U2AF2: variants seen among roughly 807,000 people sequenced by gnomAD.
U2AF2 encodes splicing factor U2AF 65 kDa subunit.
In U2AF2, 6 loss-of-function variants were observed where a neutral mutation model predicts 52.6. The observed-to-expected ratio is 0.11, with a 90% CI of 0.06 to 0.23. The LOEUF is 0.23. Among genes scored for constraint, U2AF2 ranks in the 10% least tolerant of loss-of-function variants. The pLI is 1.00. For missense variants in U2AF2, 222 were observed against 677.1 expected, an observed-to-expected ratio of 0.33 and a Z score of 7.46; for synonymous variants, 284 against 258.2, an observed-to-expected ratio of 1.10 and a Z score of -0.96.
intron 1 of U2AF2, among the ~76,000 whole-genome samples, chr19:55,655,367 C>T (rs1983714380): frequency 1.3e-5 from 2 of 152,272 alleles, no homozygotes; most frequent in Non-Finnish European, 2.9e-5. Flanking sequence ...GGGCCCGTGA[C>T]GCATGCGCAC....
intron 7 of U2AF2, among the ~76,000 whole-genome samples, chr19:55,664,922 T>C (rs1224113710): frequency 1.3e-5 from 2 of 152,182 alleles, no homozygotes; most frequent in Non-Finnish European, 2.9e-5. Flanking sequence ...TTCACCATGT[T>C]GGTCAGGTTG....
At chr19:55,661,643 T>C (rs1269754280) in intron 5 of U2AF2, 1 of 160,568 alleles carries the variant, frequency 6.2e-6, no homozygotes, top group East Asian at 1.8e-4. Flanking sequence ...GCTGTTCTTT[T>C]ATTTTTGATC....
In U2AF2 at chr19:55,659,217, C is replaced by G; in HGVS notation, c.57C>G (p.Asp19Glu). ...CCTCTCACCCTTGCCCAGAGCGGGA[C>G]AAGGAGAACCGGCATCGGAAGCGCA... is the stretch of plus-strand genomic sequence containing the variant. ...RQLNENKQERDKENRHRKRSH... is the reference protein window; with the variant it reads ...RQLNENKQEREKENRHRKRSH... The change falls in exon 2 of 12, where the codon GAC becomes GAG. Residue 19 changes from aspartate (D) to glutamate (E), a missense_variant. Coordinates refer to ENST00000308924, the MANE Select transcript of U2AF2 (RefSeq NM_007279.3). 1 of 1,590,722 alleles carries G rather than the reference C, an allele frequency of 6.3e-7. No individual in the cohort carries two copies. The highest frequency in any genetic ancestry group is 8.6e-7 in the Non-Finnish European group (1 of 1,166,724).
At chr19:55,669,784 C>T in intron 11 of U2AF2, 92 bp downstream of exon 11, 11 of 1,456,832 alleles carry the variant, frequency 7.6e-6, no homozygotes, top group Non-Finnish European at 1.0e-5. Flanking sequence ...TCACCCTCTC[C>T]CCCTCCTCTT....
intron 7 of U2AF2, among the ~76,000 whole-genome samples, chr19:55,664,404 C>CTT (rs1984413003): frequency 6.6e-6 from 1 of 152,212 alleles, no homozygotes; most frequent in African/African-American, 2.4e-5. Context: ...AATGGTCTCC[C>CTT]TTTAGAAAGC....
intron 1 of U2AF2, among the ~76,000 whole-genome samples, chr19:55,656,504 C>T (rs905874133): frequency 3.9e-5 from 6 of 152,006 alleles, no homozygotes; most frequent in Non-Finnish European, 7.4e-5. Flanking sequence ...TATTTTTTTC[C>T]ATTTGTAGAC....
intron 7 of U2AF2, among the ~76,000 whole-genome samples, chr19:55,666,317 G>C (rs1229809759): frequency 2.0e-5 from 3 of 152,238 alleles, no homozygotes; most frequent in Non-Finnish European, 2.9e-5. Flanking sequence ...GTGATGCTTT[G>C]TAGATGCAGC....
intron 6 of U2AF2, among the ~76,000 whole-genome samples, chr19:55,663,195 TCTCA>T (rs1984329399): frequency 2.0e-5 from 3 of 152,176 alleles, no homozygotes; most frequent in African/African-American, 7.2e-5. Context: ...ACTCTGTCCC[TCTCA>T]CTCTGTCTTT....
chr19:55,660,364 C>G, intron 3 of U2AF2, 143 bp downstream of exon 3: 1 of 1,119,082 alleles, frequency 8.9e-7, no homozygotes, highest in Non-Finnish European at 1.3e-6. Flanking sequence ...ACCCCTTTCC[C>G]AGGCCCTGCC....
chr19:55,663,888 C>G, intron 7 of U2AF2, 144 bp downstream of exon 7: 3 of 1,239,492 alleles, frequency 2.4e-6, no homozygotes, highest in Non-Finnish European at 3.3e-6. Context: ...TCCCCTAAGT[C>G]TCTGTGAGTG....
chr19:55,659,197 C>T lies in U2AF2; in HGVS notation c.50-13C>T. 6.5e-7 allele frequency: 1 copy of T among 1,543,314 alleles called. No homozygotes were observed. Among genetic ancestry groups the T allele is most frequent in the South Asian group, 1.2e-5 (1 of 83,748 alleles). ...TCCGCTTATCCCGTGCCCCTCCTCT[C>T]ACCCTTGCCCAGAGCGGGACAAGGA... On this transcript the variant is annotated splice_polypyrimidine_tract_variant and intron_variant, in intron 1 of 11. Transcript: ENST00000308924.
intron 1 of U2AF2, among the ~76,000 whole-genome samples, chr19:55,656,812 A>G (rs994215951): frequency 5.3e-5 from 8 of 152,224 alleles, no homozygotes; most frequent in Admixed American, 2.6e-4. Context: ...CTTTGCGTAC[A>G]CTGGGTGTGC....
At chr19:55,656,336 A>G (rs1232846021) in intron 1 of U2AF2, among the ~76,000 whole-genome samples, 1 of 152,206 alleles carries the variant, frequency 6.6e-6, no homozygotes, top group African/African-American at 2.4e-5. Context: ...TAGGGGCTGT[A>G]TTAGGAAACA....
intron 7 of U2AF2, chr19:55,663,951 C>T: frequency 3.0e-6 from 2 of 667,420 alleles, no homozygotes; most frequent in Non-Finnish European, 4.9e-6. Flanking sequence ...AATGAGCTGT[C>T]ACCTGCTGAG....
At chr19:55,659,743 C>T (rs1218034492) in intron 2 of U2AF2, among the ~76,000 whole-genome samples, 2 of 152,028 alleles carry the variant, frequency 1.3e-5, no homozygotes, top group African/African-American at 2.4e-5. Context: ...CCTCCAGTTT[C>T]TTTCTTCCCT....
At position 55,660,238 on chromosome 19, in the gene U2AF2, GCCCCTTCCTC is replaced by G. The variant is rs1984086200; in HGVS notation, c.230+20_230+29del. On this transcript the variant is annotated intron_variant, in intron 3 of 11. Coordinates refer to ENST00000308924, the MANE Select transcript of U2AF2 (RefSeq NM_007279.3). Reference sequence around the variant, plus strand: ...TGGACTGATGTGAGCTTCTCTTCCTGCCCCTTCCTCCCTGATGTCCACTCCCTTCACCTTC... The same window carrying G: ...TGGACTGATGTGAGCTTCTCTTCCTGCCTGATGTCCACTCCCTTCACCTTC... 6.2e-7 allele frequency: 1 copy of G among 1,608,350 alleles called. No individual in the cohort carries two copies. The highest frequency in any genetic ancestry group is 2.2e-5 in the East Asian group (1 of 44,616).
chr19:55,660,454 C>T, intron 3 of U2AF2, 62 bp from the exon 4 acceptor site: 1 of 1,175,072 alleles, frequency 8.5e-7, no homozygotes, highest in South Asian at 1.3e-5. Context: ...AGGGGGCTCG[C>T]AGGCCCACTG....
chr19:55,659,518 T>A (rs371104918), intron 2 of U2AF2, among the ~76,000 whole-genome samples, 173 bp downstream of exon 2: 4 of 151,730 alleles, frequency 2.6e-5, no homozygotes, highest in Middle Eastern at 3.4e-3. Context: ...TGGATTCCGA[T>A]TTTTTCCCCC....
At chr19:55,673,870 G>A (rs1411641179) in intron 11 of U2AF2, 64 bp from the exon 12 acceptor site, 1 of 1,558,182 alleles carries the variant, frequency 6.4e-7, no homozygotes, top group African/African-American at 1.4e-5. Context: ...CTGGGGTTGG[G>A]TGGACGCTGA....
Sources: allele counts gnomAD v4.1 joint callset (sites outside exome capture counted in the v4.1 genomes callset), GRCh38; gene constraint gnomAD v4.1.1; transcripts MANE v1.5; gene names NCBI Gene and HGNC (gene_info 2026-07-23, HGNC 2026-07-21).